PDE8A: variants seen among roughly 807,000 people sequenced by gnomAD.
PDE8A encodes high affinity cAMP-specific and IBMX-insensitive 3',5'-cyclic phosphodiesterase 8A.
Under a neutral mutation model 105.0 loss-of-function variants are expected in PDE8A, and 59 were observed. The ratio of observed to expected loss-of-function variants is 0.56; its 90% CI spans 0.46 to 0.70. PDE8A has a LOEUF of 0.70. Ranked by LOEUF, PDE8A falls within the 30% of genes least tolerant of loss-of-function variation. PDE8A has a pLI of 0.00. For synonymous variants in PDE8A, 355 were observed against 371.9 expected (o/e 0.95, Z 0.52); for missense variants, 1,014 against 1,045.9 (o/e 0.97, Z 0.42).
intron 8 of PDE8A, among the ~76,000 whole-genome samples, chr15:85,094,548 A>T (rs1244391998): frequency 6.6e-6 from 1 of 152,140 alleles, no homozygotes; most frequent in Non-Finnish European, 1.5e-5. Flanking sequence ...TATCATCTTA[A>T]TTGTCTAGCA....
At chr15:85,106,390 G>A (rs542487387) in intron 11 of PDE8A, among the ~76,000 whole-genome samples, 41 of 152,118 alleles carry the variant, frequency 2.7e-4, no homozygotes, top group African/African-American at 9.9e-4. Context: ...CTCCTTTCGA[G>A]TTCATGGACT....
intron 3 of PDE8A, among the ~76,000 whole-genome samples, chr15:85,071,564 A>T (rs1367987703): frequency 6.6e-6 from 1 of 152,202 alleles, no homozygotes; most frequent in African/African-American, 2.4e-5. Flanking sequence ...CAGTTTGAGA[A>T]TCAGAGAGAA....
intron 1 of PDE8A, among the ~76,000 whole-genome samples, chr15:85,058,445 C>G (rs1433154792): frequency 6.6e-6 from 1 of 152,148 alleles, no homozygotes; most frequent in Non-Finnish European, 1.5e-5. Flanking sequence ...GTGTTTCTTT[C>G]TCTTCAATTT....
chr15:85,069,271 A>G (rs543720194), intron 3 of PDE8A, among the ~76,000 whole-genome samples: 1 of 152,342 alleles, frequency 6.6e-6, no homozygotes, highest in South Asian at 2.1e-4. Flanking sequence ...AGAGAAGCAG[A>G]GAATGTCAGA....
At chr15:85,084,696 C>A (rs1021305734) in intron 6 of PDE8A, among the ~76,000 whole-genome samples, 3 of 152,228 alleles carry the variant, frequency 2.0e-5, no homozygotes, top group African/African-American at 7.2e-5. Context: ...CACCCAAGAT[C>A]TTGTAAGCAG....
At chr15:85,013,946 T>C (rs1299561804) in intron 1 of PDE8A, among the ~76,000 whole-genome samples, 1 of 152,176 alleles carries the variant, frequency 6.6e-6, no homozygotes, top group African/African-American at 2.4e-5. Context: ...AGGTACCCGC[T>C]GGCTTCCCGC....
At chr15:85,137,759 G>A (rs188531306) in intron 21 of PDE8A, 38 bp from the exon 22 acceptor site, 1 of 1,236,262 alleles carries the variant, frequency 8.1e-7, no homozygotes, top group East Asian at 2.3e-5. Flanking sequence ...GTAAACAGAG[G>A]CTGTGAAAGC....
rs1414477774 is a variant in PDE8A, at chr15:85,097,981, A to C, written c.886A>C (p.Asn296His). Residue 296 changes from asparagine to histidine, a missense_variant, in exon 9 of 22, where the codon AAC becomes CAC. By Grantham distance (68) the Asn-to-His change is moderately conservative (BLOSUM62 1). Transcript: ENST00000394553. ...WQGIYYAKKK[N>H]GDNIQQNVKI... Reference sequence around the variant, plus strand: ...AGGAATTTACTATGCCAAAAAGAAAAACGGAGATAATATACAACAAAATGT... The same window carrying C: ...AGGAATTTACTATGCCAAAAAGAAACACGGAGATAATATACAACAAAATGT... 3.7e-6 allele frequency: 6 copies of C among 1,603,120 alleles called. No homozygotes were observed. The highest frequency in any genetic ancestry group is 4.3e-6 in the Non-Finnish European group (5 of 1,170,092).
At chr15:85,079,150 G>A (rs1387040070) in intron 5 of PDE8A, among the ~76,000 whole-genome samples, 1 of 152,112 alleles carries the variant, frequency 6.6e-6, no homozygotes, top group Non-Finnish European at 1.5e-5. Flanking sequence ...TATAAGATTA[G>A]TCCCAAACAG....
At chr15:85,109,209 C>G (rs2081987273) in intron 12 of PDE8A, 79 bp downstream of exon 12, 1 of 870,854 alleles carries the variant, frequency 1.1e-6, no homozygotes, top group Non-Finnish European at 1.8e-6. Flanking sequence ...CTTGCCCAGG[C>G]TCATCCTGTC....
chr15:85,136,092 T>C (rs1213404280), intron 20 of PDE8A, among the ~76,000 whole-genome samples: 4 of 152,136 alleles, frequency 2.6e-5, no homozygotes, highest in Non-Finnish European at 5.9e-5. Flanking sequence ...AGAGAGGCAT[T>C]GAAATGTGAC....
intron 7 of PDE8A, 93 bp downstream of exon 7, chr15:85,089,509 C>G: frequency 1.6e-6 from 1 of 617,538 alleles, no homozygotes; most frequent in Non-Finnish European, 2.8e-6. Flanking sequence ...TTTTTTTTTT[C>G]TTTTTGAAGT....
At chr15:84,993,649 A>G (rs992192668) in intron 1 of PDE8A, among the ~76,000 whole-genome samples, 3 of 151,902 alleles carry the variant, frequency 2.0e-5, no homozygotes, top group Admixed American at 6.6e-5. Flanking sequence ...GGAGGACAAG[A>G]TGGGAGAATC....
At chr15:85,099,258 G>A (rs2081815529) in intron 9 of PDE8A, among the ~76,000 whole-genome samples, 1 of 152,202 alleles carries the variant, frequency 6.6e-6, no homozygotes, top group Admixed American at 6.5e-5. Flanking sequence ...GGCTTAGAGA[G>A]GTCAGGTTTC....
chr15:85,136,786 A>T, intron 21 of PDE8A, 123 bp downstream of exon 21: 1 of 962,666 alleles, frequency 1.0e-6, no homozygotes, highest in South Asian at 1.7e-5. Flanking sequence ...AACAAGAGCG[A>T]AGTGAACCAT....
In PDE8A at chr15:85,109,093, A is replaced by T; in HGVS notation, c.1077A>T (p.Ser359=). ...AACATAAAGACAGGAGAAAAGGCTC[A>T]CTAGACGTCAAAGCTGTTGCCTCCC... ...TGKHKDRRKG[S]LDVKAVASRA... is the part of the protein sequence containing the mutation. The change falls in exon 12 of 22, where the codon TCA becomes TCT. Residue 359 remains serine, a synonymous_variant. Coordinates refer to ENST00000394553, the MANE Select transcript of PDE8A (RefSeq NM_002605.3). 6.2e-7 allele frequency: 1 copy of T among 1,612,242 alleles called. No homozygotes were observed. The highest frequency in any genetic ancestry group is 8.5e-7 in the Non-Finnish European group (1 of 1,178,622).
chr15:85,113,861 T>C lies in PDE8A; in HGVS notation c.1186-12T>C. ...GGTTATGAAACTCAAGTATTTTCTTTCCATAATGTAGGTAATCAATATTAT... is the reference window on the plus strand; with the variant it reads ...GGTTATGAAACTCAAGTATTTTCTTCCCATAATGTAGGTAATCAATATTAT... On this transcript the variant is annotated splice_polypyrimidine_tract_variant and intron_variant, in intron 13 of 21. Coordinates refer to ENST00000394553, the MANE Select transcript of PDE8A (RefSeq NM_002605.3). 6.2e-7 allele frequency: 1 copy of C among 1,602,294 alleles called. No individual in the cohort carries two copies. The highest frequency in any genetic ancestry group is 8.5e-7 in the Non-Finnish European group (1 of 1,171,800).
At chr15:85,052,585 AT>A (rs1567251491) in intron 1 of PDE8A, among the ~76,000 whole-genome samples, 5 of 152,100 alleles carry the variant, frequency 3.3e-5, no homozygotes, top group African/African-American at 1.2e-4. Context: ...GATGATGAGC[AT>A]TTTTTCATGT....
chr15:85,118,752 C>T (rs1384089958), intron 17 of PDE8A, among the ~76,000 whole-genome samples: 1 of 152,204 alleles, frequency 6.6e-6, no homozygotes, highest in Non-Finnish European at 1.5e-5. Context: ...TTGACTGGGG[C>T]CTAAGATGAC....
Sources: gnomAD v4.1 joint callset for allele counts (sites outside exome capture counted in the v4.1 genomes callset) on GRCh38, gnomAD v4.1.1 for gene constraint, MANE v1.5 for transcripts, NCBI Gene and HGNC (gene_info 2026-07-23, HGNC 2026-07-21) for gene names.